The following ITFG1 variants were observed in gnomAD, a reference collection of about 807,000 sequenced individuals.
ITFG1 encodes the protein integrin alpha FG-GAP repeat containing 1, also known as T-cell immunomodulatory protein.
ITFG1 carries 34 observed loss-of-function variants against 81.8 expected under a neutral mutation model. That is an observed-to-expected ratio of 0.42 (90% confidence interval 0.32 to 0.55). ITFG1 has a LOEUF of 0.55. ITFG1 is among the 20% of genes least tolerant of loss of function. The probability of loss-of-function intolerance (pLI) is 0.17; values close to 1 mark genes in which losing one functional copy is unlikely to be tolerated. For synonymous variants in ITFG1, 285 were observed against 270.6 expected (o/e 1.05, Z -0.52); for missense variants, 672 against 755.4 (o/e 0.89, Z 1.29).
chr16:47,293,188 T>A (rs945992605), intron 10 of ITFG1, among the ~76,000 whole-genome samples: 2 of 147,618 alleles, frequency 1.4e-5, no homozygotes, highest in Non-Finnish European at 3.0e-5. Context: ...ACAAATGATA[T>A]ATATTATATA....
chr16:47,428,987 AATTT>A (rs1461006477), intron 5 of ITFG1, 89 bp from the exon 6 acceptor site: 6 of 734,236 alleles, frequency 8.2e-6, no homozygotes, highest in African/African-American at 1.8e-5. Flanking sequence ...AAAACACTTA[AATTT>A]ATTTATTTTC....
chr16:47,261,560 C>T (rs1294698435), intron 10 of ITFG1, among the ~76,000 whole-genome samples: 1 of 152,172 alleles, frequency 6.6e-6, no homozygotes, highest in Non-Finnish European at 1.5e-5. Context: ...TATGTAATAG[C>T]TCCTAGGCAT....
At chr16:47,348,349 T>C (rs1967891691) in intron 8 of ITFG1, among the ~76,000 whole-genome samples, 1 of 152,038 alleles carries the variant, frequency 6.6e-6, no homozygotes, top group Non-Finnish European at 1.5e-5. Flanking sequence ...GAATAACCAA[T>C]GCAGAGAAGT....
chr16:47,346,643 C>T (rs536984506), intron 8 of ITFG1, among the ~76,000 whole-genome samples: 13 of 152,040 alleles, frequency 8.6e-5, no homozygotes, highest in Non-Finnish European at 1.6e-4. Context: ...CAACTATATG[C>T]CAACAAACTG....
chr16:47,318,290 A>AATT (rs1344224517), intron 8 of ITFG1, among the ~76,000 whole-genome samples: 1 of 152,188 alleles, frequency 6.6e-6, no homozygotes, highest in Non-Finnish European at 1.5e-5. Flanking sequence ...CTGACTTAAT[A>AATT]ATCTTTGAGA....
At chr16:47,330,481 A>G (rs767534497) in intron 8 of ITFG1, among the ~76,000 whole-genome samples, 6 of 152,044 alleles carry the variant, frequency 3.9e-5, no homozygotes, top group Admixed American at 1.3e-4. Flanking sequence ...CATAGCCAAG[A>G]AACAAATAAA....
chr16:47,195,264 G>A (rs1965344189), intron 14 of ITFG1, among the ~76,000 whole-genome samples: 1 of 152,120 alleles, frequency 6.6e-6, no homozygotes, highest in South Asian at 2.1e-4. Flanking sequence ...CAATTTTGAA[G>A]ACATAGGTTA....
rs755731953 is a variant in ITFG1 at position 47,218,955 on chromosome 16, GA to G, written c.1375-10del. 6,020 of 1,407,656 alleles carry G rather than the reference GA, an allele frequency of 4.3e-3. 29 individuals are homozygous for G. Among genetic ancestry groups the G allele is most frequent in the African/African-American group, 0.031 (2,118 of 67,528 alleles). The allele number at this position is 1,407,656 out of a possible 1,614,324, so 87.2% of individuals were successfully genotyped here. On this transcript the variant is annotated splice_polypyrimidine_tract_variant and intron_variant, in intron 13 of 17. Transcript: ENST00000320640. ...TGATTCACTCCAAAGGGCTGCAATA[GA>G]AAAAAAAAATAGTTAAGGCTTGGAA...
chr16:47,265,944 G>A (rs1487207451), intron 10 of ITFG1, among the ~76,000 whole-genome samples: 1 of 152,128 alleles, frequency 6.6e-6, no homozygotes, highest in Non-Finnish European at 1.5e-5. Context: ...CACAAAATGG[G>A]AGAACATGTT....
intron 8 of ITFG1, among the ~76,000 whole-genome samples, chr16:47,315,201 C>A (rs994658312): frequency 6.6e-6 from 1 of 151,450 alleles, no homozygotes; most frequent in Admixed American, 6.6e-5. Flanking sequence ...TAATTTGCAA[C>A]ATATAGATTT....
chr16:47,257,714 TA>T (rs951593969), intron 12 of ITFG1, among the ~76,000 whole-genome samples: 2 of 152,224 alleles, frequency 1.3e-5, no homozygotes, highest in Admixed American at 6.5e-5. Flanking sequence ...TGTATGTACA[TA>T]TGTGAATCCA....
At chr16:47,242,158 A>T (rs1315283256) in intron 12 of ITFG1, among the ~76,000 whole-genome samples, 1 of 152,126 alleles carries the variant, frequency 6.6e-6, no homozygotes, top group Admixed American at 6.5e-5. Flanking sequence ...AATAAGAAAG[A>T]TACCATAAAA....
chr16:47,375,825 C>A (rs1435299682), intron 7 of ITFG1, 51 bp downstream of exon 7: 2 of 1,064,812 alleles, frequency 1.9e-6, no homozygotes, highest in Admixed American at 3.4e-5. Context: ...AAATTGTGTG[C>A]TTTTACTGAA....
intron 5 of ITFG1, among the ~76,000 whole-genome samples, chr16:47,439,070 G>C (rs1381552073): frequency 2.0e-5 from 3 of 152,190 alleles, no homozygotes; most frequent in Non-Finnish European, 2.9e-5. Context: ...CGATGAACTG[G>C]AAGAAAGGGT....
intron 14 of ITFG1, among the ~76,000 whole-genome samples, chr16:47,194,566 AG>A (rs1422001273): frequency 1.3e-5 from 2 of 152,212 alleles, no homozygotes; most frequent in Non-Finnish European, 2.9e-5. Context: ...ATCTTTCATT[AG>A]CAGCTCATCT....
intron 8 of ITFG1, among the ~76,000 whole-genome samples, chr16:47,333,168 G>C (rs181885952): frequency 1.3e-5 from 2 of 152,008 alleles, no homozygotes; most frequent in Non-Finnish European, 2.9e-5. Context: ...AGTCCTAGTA[G>C]AGGTTATTTT....
intron 5 of ITFG1, among the ~76,000 whole-genome samples, chr16:47,429,294 G>A (rs1055333828): frequency 6.6e-6 from 1 of 152,300 alleles, no homozygotes; most frequent in Middle Eastern, 3.4e-3. Flanking sequence ...CAGTGCCTCA[G>A]TTCTTTCTAT....
chr16:47,452,249 C>T (rs1359873275), intron 4 of ITFG1, among the ~76,000 whole-genome samples: 8 of 152,092 alleles, frequency 5.3e-5, no homozygotes, highest in Middle Eastern at 3.2e-3. Flanking sequence ...TACCAAAATA[C>T]GCTGTCAGAA....
intron 6 of ITFG1, among the ~76,000 whole-genome samples, chr16:47,399,534 C>T (rs775846786): frequency 4.0e-5 from 6 of 151,636 alleles, no homozygotes; most frequent in Non-Finnish European, 7.4e-5. Context: ...GATCACGCCG[C>T]TGCACTCCAG....
Sources: gnomAD v4.1 joint callset for allele counts (sites outside exome capture counted in the v4.1 genomes callset) on GRCh38, gnomAD v4.1.1 for gene constraint, MANE v1.5 for transcripts, NCBI Gene and HGNC (gene_info 2026-07-23, HGNC 2026-07-21) for gene names.